DMD: variants seen among roughly 807,000 people sequenced by gnomAD.
The protein encoded by DMD is dystrophin, also known as mutant dystrophin.
In DMD, 63 loss-of-function variants were observed where a neutral mutation model predicts 330.1. That is an observed-to-expected ratio of 0.19 (90% CI 0.16 to 0.24). DMD has a LOEUF of 0.24. DMD is among the 10% of genes least tolerant of loss of function. The pLI is 1.00. For synonymous variants in DMD, 1,223 were observed against 959.8 expected (o/e 1.27, Z -5.07); for missense variants, 3,344 against 2,684.1 (o/e 1.25, Z -5.43).
chrX:33,162,277 C>A (rs189697404), intron 1 of DMD, among the ~76,000 whole-genome samples: 2 of 111,740 alleles, frequency 1.8e-5, no homozygotes, highest in South Asian at 7.4e-4. Context: ...ATATCAAATA[C>A]CAATTTAATA....
Position 32,143,926 on chromosome X carries a change from T to G in DMD, c.6438+72990A>C, listed in dbSNP as rs141010003. ...TCACTAACTGGTCACTGTGTATAAC[T>G]AAATCCTTGTATTTCAATGTGATTA... On this transcript the variant is annotated intron_variant, in intron 44 of 78. Coordinates refer to ENST00000357033, the MANE Select transcript of DMD (RefSeq NM_004006.3). Among the ~76,000 whole-genome samples, 14 of 110,607 alleles carry G rather than the reference T, an allele frequency of 1.3e-4. No individual in the cohort carries two copies. The East Asian group carries it at 3.1e-3, about 25-fold the overall frequency.
chrX:31,969,398 C>T (rs751217097), intron 44 of DMD, among the ~76,000 whole-genome samples: 6 of 111,658 alleles, frequency 5.4e-5, no homozygotes, highest in South Asian at 7.4e-4. Flanking sequence ...TAACTAAATA[C>T]GAACCTTAGA....
intron 20 of DMD, among the ~76,000 whole-genome samples, chrX:32,488,783 G>T (rs1389069662): frequency 9.0e-6 from 1 of 111,212 alleles, no homozygotes; most frequent in Non-Finnish European, 1.9e-5. Flanking sequence ...GATACTAGCA[G>T]GTCCCAGAAG....
chrX:33,054,957 CA>C (rs1184360287), intron 1 of DMD, among the ~76,000 whole-genome samples: 1 of 111,339 alleles, frequency 9.0e-6, no homozygotes, highest in Non-Finnish European at 1.9e-5. Context: ...AACTGATGGG[CA>C]GGGGGATAGG....
chrX:31,451,122 TTTTC>T (rs1296214886), intron 59 of DMD, among the ~76,000 whole-genome samples: 1 of 106,241 alleles, frequency 9.4e-6, no homozygotes, highest in East Asian at 3.0e-4. Flanking sequence ...TTCAGGAGAC[TTTTC>T]TTTTCTTTTC....
At chrX:32,836,044 T>A (rs924323503) in intron 4 of DMD, among the ~76,000 whole-genome samples, 1 of 110,137 alleles carries the variant, frequency 9.1e-6, no homozygotes, top group African/African-American at 3.3e-5. Flanking sequence ...AAAAATTTTT[T>A]TTTTTGGAGA....
Position 31,757,268 on chromosome X carries a change from T to A in DMD, c.7542+16692A>T, listed in dbSNP as rs763194380. ...TTACACACCACAATCTATTTCAGCA[T>A]CCCACTAAATTTTGGGCAATTTAAT... is the stretch of plus-strand genomic sequence containing the variant. On this transcript the variant is annotated intron_variant, in intron 51 of 78. Transcript: ENST00000357033. 4.2e-4 allele frequency among the ~76,000 whole-genome samples: 47 copies of A among 111,650 alleles called. No individual in the cohort carries two copies. The South Asian group carries it at 5.6e-3, about 13-fold the overall frequency.
intron 37 of DMD, among the ~76,000 whole-genome samples, chrX:32,360,812 T>C (rs1391274871): frequency 9.4e-6 from 1 of 106,686 alleles, no homozygotes; most frequent in Non-Finnish European, 1.9e-5. Context: ...ATAATAATAA[T>C]AATAATAATA....
intron 44 of DMD, among the ~76,000 whole-genome samples, chrX:32,023,823 C>T (rs1250666532): frequency 2.7e-5 from 3 of 111,565 alleles, no homozygotes; most frequent in Non-Finnish European, 5.6e-5. Context: ...ATCCTAAGCA[C>T]GTTAACGCAG....
chrX:32,041,450 A>G (rs1217439847), intron 44 of DMD, among the ~76,000 whole-genome samples: 1 of 112,298 alleles, frequency 8.9e-6, no homozygotes, highest in Non-Finnish European at 1.9e-5. Flanking sequence ...CATAAGTATC[A>G]TCAGCCACAG....
At chrX:32,972,880 GATT>G (rs1231347466) in intron 2 of DMD, among the ~76,000 whole-genome samples, 2 of 111,735 alleles carry the variant, frequency 1.8e-5, no homozygotes, top group Non-Finnish European at 3.8e-5. Flanking sequence ...CATTGTTCTG[GATT>G]ATTATATTTA....
intron 21 of DMD, among the ~76,000 whole-genome samples, chrX:32,473,693 AT>A (rs1218074599): frequency 1.3e-4 from 14 of 111,561 alleles, no homozygotes; most frequent in Non-Finnish European, 2.3e-4. Context: ...TTTATATTGC[AT>A]TTATTTGGGA....
intron 7 of DMD, among the ~76,000 whole-genome samples, chrX:32,726,837 A>G (rs1445988534): frequency 2.7e-5 from 3 of 110,579 alleles, no homozygotes; most frequent in African/African-American, 9.8e-5. Context: ...ATATAAGATG[A>G]TGGATTCAGA....
chrX:32,850,734 A>G (rs1203469783), intron 2 of DMD, among the ~76,000 whole-genome samples: 1 of 111,437 alleles, frequency 9.0e-6, no homozygotes, highest in East Asian at 2.8e-4. Flanking sequence ...GTCATACTTC[A>G]CCAAATCGTT....
intron 62 of DMD, among the ~76,000 whole-genome samples, chrX:31,291,729 T>C (rs1217184731): frequency 8.9e-6 from 1 of 111,816 alleles, no homozygotes. Context: ...TTCCAGAGAC[T>C]AGAAGAGGCA....
intron 2 of DMD, among the ~76,000 whole-genome samples, chrX:32,875,922 A>G (rs914239454): frequency 2.7e-5 from 3 of 111,600 alleles, no homozygotes; most frequent in South Asian, 3.8e-4. Context: ...CTTTTGCCGT[A>G]TCATCTGCCC....
intron 7 of DMD, among the ~76,000 whole-genome samples, chrX:32,714,055 A>G (rs1280573718): frequency 8.9e-6 from 1 of 111,917 alleles, no homozygotes; most frequent in African/African-American, 3.3e-5. Flanking sequence ...GCATGATTAA[A>G]TGGGTACTCA....
At chrX:32,515,998 C>G (rs1441804764) in intron 18 of DMD, among the ~76,000 whole-genome samples, 1 of 110,043 alleles carries the variant, frequency 9.1e-6, no homozygotes, top group Non-Finnish European at 1.9e-5. Flanking sequence ...TGATAATGGC[C>G]TATGATATGC....
At chrX:32,085,654 GTATATATACGTATATATACACACGCGTA>G (rs1164436382) in intron 44 of DMD, among the ~76,000 whole-genome samples, 234 of 75,104 alleles carry the variant, frequency 3.1e-3, no homozygotes, top group Middle Eastern at 0.013. Context: ...ATATATGTGT[GTATATATACGTATATATACACACGCGTA>G]TATATATACG....
Sources: allele counts gnomAD v4.1 joint callset (sites outside exome capture counted in the v4.1 genomes callset), GRCh38; gene constraint gnomAD v4.1.1; transcripts MANE v1.5; gene names NCBI Gene and HGNC (gene_info 2026-07-23, HGNC 2026-07-21).